SEC14L5: variants seen among roughly 807,000 people sequenced by gnomAD.
The protein encoded by SEC14L5 is SEC14-like protein 5.
In SEC14L5, 96 loss-of-function variants were observed where a neutral mutation model predicts 84.6. That is an observed-to-expected ratio of 1.13 (90% CI 0.96 to 1.34). The LOEUF (loss-of-function observed/expected upper bound fraction) is 1.34. SEC14L5 is among the 40% of genes most tolerant of loss of function. SEC14L5 has a pLI of 0.00. For synonymous variants in SEC14L5, 546 were observed against 383.4 expected, an observed-to-expected ratio of 1.42 and a Z score of -4.95; for missense variants, 1,224 against 942.5, an observed-to-expected ratio of 1.30 and a Z score of -3.91.
rs1027815950 is a variant in SEC14L5, at chr16:5,007,483, C to T, written c.1569C>T (p.His523=). 12 of 1,613,010 alleles carry T rather than the reference C, an allele frequency of 7.4e-6. No homozygotes were observed. The highest frequency in any genetic ancestry group is 1.0e-5 in the Non-Finnish European group (12 of 1,179,704). ...CCAGCGTGCTCCGCGGAGCCCCCCA[C>T]GAGGTGCCAGGGCCTGGCCGGGGAG... The part of the protein sequence containing the change: ...HSASVLRGAP[H]EVAVEILEGE... The change falls in exon 13 of 16, where the codon CAC becomes CAT. Residue 523 remains histidine, a synonymous_variant. Transcript: ENST00000251170.
At position 4,999,273 on chromosome 16, in the gene SEC14L5, A is replaced by G. The variant is rs1270758238; in HGVS notation, c.971-1382A>G. Among the ~76,000 whole-genome samples the G allele has an allele frequency of 3.3e-5, 5 of 152,146 alleles. No homozygotes were observed. In the East Asian group the frequency reaches 7.7e-4, roughly 23 times the overall value. On this transcript the variant is annotated intron_variant, in intron 8 of 15. Transcript: ENST00000251170. ...TACAGGGCTGCTGGCCGTGAGTTCAATGCTGACAGATCAGCAATATGCATT... is the reference window on the plus strand; with the variant it reads ...TACAGGGCTGCTGGCCGTGAGTTCAGTGCTGACAGATCAGCAATATGCATT...
At chr16:4,990,482 C>A (rs765935388) in intron 4 of SEC14L5, among the ~76,000 whole-genome samples, 10 of 152,240 alleles carry the variant, frequency 6.6e-5, no homozygotes, top group Non-Finnish European at 1.2e-4. Context: ...GTATTTCTAA[C>A]TAATTTTCTA....
chr16:4,962,177 A>G (rs1955130550), intron 2 of SEC14L5, among the ~76,000 whole-genome samples: 1 of 151,670 alleles, frequency 6.6e-6, no homozygotes, highest in South Asian at 2.1e-4. Context: ...AAAAAAAAAA[A>G]AAAAAGAAAA....
At chr16:4,983,359 AATAAT>A (rs1955446690) in intron 2 of SEC14L5, among the ~76,000 whole-genome samples, 1 of 151,178 alleles carries the variant, frequency 6.6e-6, no homozygotes, top group African/African-American at 2.4e-5. Flanking sequence ...CCATATATGA[AATAAT>A]ATATTTACAT....
rs574129995 is a variant in SEC14L5, at chr16:5,005,397, G to A, written c.1303-517G>A. 2.5e-5 allele frequency among the ~76,000 whole-genome samples: 3 copies of A among 118,534 alleles called. No homozygotes were observed. In the South Asian group the frequency reaches 8.0e-4, roughly 32 times the overall value. The allele number at this position is 118,534 out of a possible 152,430, so 77.8% of individuals were successfully genotyped here. On this transcript the variant is annotated intron_variant, in intron 11 of 15. Transcript: ENST00000251170. ...AGATGGGTGGTTGCCCTGGGTTGGG[G>A]GAGGGGAGATGGGAAGTGACGGTGG...
At chr16:5,008,728 C>T (rs1416479042) in intron 14 of SEC14L5, 80 bp downstream of exon 14, 14 of 1,277,400 alleles carry the variant, frequency 1.1e-5, no homozygotes, top group Admixed American at 2.1e-5. Flanking sequence ...GGGGATACAG[C>T]GGAGGACATA....
At chr16:4,974,428 G>A (rs908648216) in intron 2 of SEC14L5, among the ~76,000 whole-genome samples, 58 of 151,560 alleles carry the variant, frequency 3.8e-4, no homozygotes, top group African/African-American at 1.3e-3. Context: ...GGTCTTGAAC[G>A]CCTGGGCTTA....
intron 4 of SEC14L5, among the ~76,000 whole-genome samples, chr16:4,990,489 T>C (rs1312561196): frequency 6.6e-6 from 1 of 152,260 alleles, no homozygotes; most frequent in Non-Finnish European, 1.5e-5. Flanking sequence ...TAACTAATTT[T>C]CTATGTATGT....
At chr16:4,971,097 A>AC (rs1955272681) in intron 2 of SEC14L5, among the ~76,000 whole-genome samples, 1 of 149,440 alleles carries the variant, frequency 6.7e-6, no homozygotes, top group Admixed American at 6.7e-5. Context: ...GAGCCAAAAA[A>AC]AAAAAAAAAA....
intron 14 of SEC14L5, among the ~76,000 whole-genome samples, chr16:5,010,569 G>T (rs1262376777): frequency 6.6e-6 from 1 of 152,174 alleles, no homozygotes; most frequent in Non-Finnish European, 1.5e-5. Context: ...GAAGTTCCCG[G>T]TGGGGAGAGG....
Position 4,959,406 on chromosome 16 carries a change from T to C in SEC14L5, c.63+20T>C. 6.2e-7 allele frequency: 1 copy of C among 1,610,800 alleles called. No individual in the cohort carries two copies. Among genetic ancestry groups the C allele is most frequent in the South Asian group, 1.1e-5 (1 of 91,028 alleles). The stretch of plus-strand genomic sequence containing the variant: ...ATGGCGGTGAGTGACTCCTGATTCT[T>C]GGGCCCCCATGTGACAGTTGGAGGG... On this transcript the variant is annotated intron_variant, in intron 2 of 15. Coordinates refer to ENST00000251170, the MANE Select transcript of SEC14L5 (RefSeq NM_014692.2).
At chr16:4,983,339 T>C (rs1419725812) in intron 2 of SEC14L5, among the ~76,000 whole-genome samples, 1 of 151,372 alleles carries the variant, frequency 6.6e-6, no homozygotes, top group African/African-American at 2.4e-5. Flanking sequence ...ATATGGAATA[T>C]ATTATGTATC....
rs1014360869 is a variant in SEC14L5, at chr16:4,995,136, C to T, written c.668-1212C>T. 3.9e-5 allele frequency among the ~76,000 whole-genome samples: 6 copies of T among 152,330 alleles called. No homozygotes were observed. The East Asian group carries it at 9.6e-4, about 24-fold the overall frequency. ...TGTGGGCTTTTCTGTTTTGGGGGTG[C>T]TGCTGGCCGTTCATTCAGCCTGTTT... On this transcript the variant is annotated intron_variant, in intron 6 of 15. Coordinates refer to ENST00000251170, the MANE Select transcript of SEC14L5 (RefSeq NM_014692.2).
chr16:4,961,572 A>G (rs1313058657), intron 2 of SEC14L5, among the ~76,000 whole-genome samples: 2 of 152,152 alleles, frequency 1.3e-5, no homozygotes, highest in African/African-American at 2.4e-5. Context: ...CAAGTGATCC[A>G]CTAGCCTCGG....
Position 5,000,717 on chromosome 16 carries a change from G to C in SEC14L5, c.1033G>C (p.Val345Leu), listed in dbSNP as rs1410275416. 20 of 1,552,504 alleles carry C rather than the reference G, an allele frequency of 1.3e-5. No homozygotes were observed. Among genetic ancestry groups the C allele is most frequent in the Non-Finnish European group, 1.7e-5 (19 of 1,147,726 alleles). The change falls in exon 9 of 16, where the codon GTG becomes CTG. Residue 345 changes from valine to leucine, a missense_variant. Coordinates refer to ENST00000251170, the MANE Select transcript of SEC14L5 (RefSeq NM_014692.2). ...GGACACCAAAGGCTTGATGAAGGCCGTGGGGGAGGAGGCGCTGCTGCGGCA... is the reference window on the plus strand; with the variant it reads ...GGACACCAAAGGCTTGATGAAGGCCCTGGGGGAGGAGGCGCTGCTGCGGCA... Reference protein sequence around the residue: ...QMDTKGLMKAVGEEALLRHVL... With the variant: ...QMDTKGLMKALGEEALLRHVL...
At chr16:4,989,852 C>T (rs1387814002) in intron 4 of SEC14L5, among the ~76,000 whole-genome samples, 1 of 152,036 alleles carries the variant, frequency 6.6e-6, no homozygotes, top group Non-Finnish European at 1.5e-5. Flanking sequence ...TGGGCCCCAA[C>T]CTGGAAGTGT....
At chr16:4,962,485 C>G (rs528992473) in intron 2 of SEC14L5, among the ~76,000 whole-genome samples, 2 of 152,146 alleles carry the variant, frequency 1.3e-5, no homozygotes, top group African/African-American at 2.4e-5. Flanking sequence ...GTCAGGAGTT[C>G]GAGACGAGCT....
chr16:4,988,475 C>T (rs1955519935), intron 4 of SEC14L5, among the ~76,000 whole-genome samples, 195 bp downstream of exon 4: 2 of 152,206 alleles, frequency 1.3e-5, no homozygotes, highest in South Asian at 4.1e-4. Context: ...TAGTATGTCT[C>T]AAATATTGCT....
intron 6 of SEC14L5, among the ~76,000 whole-genome samples, chr16:4,995,002 A>G (rs970742404): frequency 6.6e-6 from 1 of 152,050 alleles, no homozygotes; most frequent in Admixed American, 6.6e-5. Flanking sequence ...TGATTCCAGC[A>G]TCTCTGCCTC....
Sources: gnomAD v4.1 joint callset for allele counts (sites outside exome capture counted in the v4.1 genomes callset) on GRCh38, gnomAD v4.1.1 for gene constraint, MANE v1.5 for transcripts, NCBI Gene and HGNC (gene_info 2026-07-23, HGNC 2026-07-21) for gene names.